The following OLFM1 variants were observed in gnomAD, a reference collection of about 807,000 sequenced individuals.
The protein encoded by OLFM1 is olfactomedin 1.
OLFM1 carries 9 observed loss-of-function variants against 49.7 expected under a neutral mutation model. That is an observed-to-expected ratio of 0.18 (90% CI 0.11 to 0.32). OLFM1 has a LOEUF of 0.32. OLFM1 is among the 10% of genes least tolerant of loss of function. OLFM1 has a pLI of 1.00. For missense variants in OLFM1, 369 were observed against 661.8 expected, an observed-to-expected ratio of 0.56 and a Z score of 4.85; for synonymous variants, 240 against 271.8, an observed-to-expected ratio of 0.88 and a Z score of 1.15.
At chr9:135,111,745 C>T (rs1396342341) in intron 5 of OLFM1, among the ~76,000 whole-genome samples, 1 of 152,158 alleles carries the variant, frequency 6.6e-6, no homozygotes, top group Non-Finnish European at 1.5e-5. Flanking sequence ...GAGTCTTGCT[C>T]TGTCGTCAGA....
intron 4 of OLFM1, among the ~76,000 whole-genome samples, chr9:135,104,479 G>A (rs967550177): frequency 6.6e-6 from 1 of 152,236 alleles, no homozygotes; most frequent in Non-Finnish European, 1.5e-5. Context: ...CAGCGTCACG[G>A]AAGGCCCGGC....
chr9:135,109,842 T>C (rs542515958), intron 5 of OLFM1, among the ~76,000 whole-genome samples: 1 of 152,274 alleles, frequency 6.6e-6, no homozygotes, highest in African/African-American at 2.4e-5. Flanking sequence ...AGAGCCCGGC[T>C]CAGGGGGACC....
At chr9:135,114,942 C>T (rs35659269) in intron 5 of OLFM1, among the ~76,000 whole-genome samples, 36,613 of 151,958 alleles carry the variant, frequency 0.24, 6,796 homozygotes, top group African/African-American at 0.52. Flanking sequence ...GTGTGGACCC[C>T]GGAGCTGATG....
chr9:135,106,048 C>T (rs1299405931), intron 4 of OLFM1: 3 of 152,442 alleles, frequency 2.0e-5, no homozygotes, highest in African/African-American at 7.2e-5. Context: ...TCCTCACCTC[C>T]ATGGTCCTCT....
intron 1 of OLFM1, chr9:135,076,984 G>A (rs549196080): frequency 3.6e-5 from 56 of 1,550,560 alleles, no homozygotes; most frequent in African/African-American, 1.4e-4. Context: ...GGGTTATGTC[G>A]TCCCGCTTAC....
intron 2 of OLFM1, among the ~76,000 whole-genome samples, chr9:135,091,769 T>TCA (rs749011628): frequency 5.7e-4 from 19 of 33,212 alleles, no homozygotes; most frequent in African/African-American, 1.7e-3. Context: ...ACTCACACAG[T>TCA]CACACACACA....
intron 2 of OLFM1, among the ~76,000 whole-genome samples, chr9:135,094,442 C>G (rs1830758848): frequency 4.6e-5 from 7 of 152,104 alleles, no homozygotes; most frequent in Admixed American, 4.6e-4. Context: ...TATAGACAAA[C>G]TTTACATCTT....
intron 5 of OLFM1, among the ~76,000 whole-genome samples, chr9:135,118,559 G>C (rs1167573735): frequency 6.7e-6 from 1 of 150,004 alleles, no homozygotes; most frequent in East Asian, 2.0e-4. Context: ...TGGATCTTTG[G>C]AAGTGCTCAC....
intron 4 of OLFM1, among the ~76,000 whole-genome samples, chr9:135,103,142 GC>G (rs1342507167): frequency 6.6e-6 from 1 of 152,178 alleles, no homozygotes; most frequent in Non-Finnish European, 1.5e-5. Flanking sequence ...GCCCGTTTGG[GC>G]CATTTCCTGA....
chr9:135,115,615 C>T (rs1413284634), intron 5 of OLFM1, among the ~76,000 whole-genome samples: 2 of 152,194 alleles, frequency 1.3e-5, no homozygotes, highest in South Asian at 2.1e-4. Flanking sequence ...CTGGCCTCTG[C>T]CCCTAGATGC....
intron 5 of OLFM1, among the ~76,000 whole-genome samples, chr9:135,110,906 C>T (rs1341358183): frequency 1.3e-5 from 2 of 152,218 alleles, no homozygotes; most frequent in Non-Finnish European, 2.9e-5. Flanking sequence ...GGCCCAAGTC[C>T]CTACGCCAAG....
intron 1 of OLFM1, chr9:135,076,278 C>T (rs1245689317): frequency 3.2e-6 from 5 of 1,550,368 alleles, no homozygotes; most frequent in African/African-American, 2.7e-5. Flanking sequence ...CAGAAACAGG[C>T]GGTGGGGATT....
intron 2 of OLFM1, among the ~76,000 whole-genome samples, chr9:135,091,755 A>ACACAGT (rs1830710040): frequency 4.6e-5 from 7 of 150,628 alleles, no homozygotes; most frequent in Admixed American, 1.3e-4. Context: ...ACATAGTCAC[A>ACACAGT]CACACTCACA....
At chr9:135,089,442 C>T (rs1369290457) in intron 1 of OLFM1, among the ~76,000 whole-genome samples, 1 of 152,142 alleles carries the variant, frequency 6.6e-6, no homozygotes, top group Non-Finnish European at 1.5e-5. Flanking sequence ...CAAGGTTAGA[C>T]CAGACATGGG....
At chr9:135,111,019 C>T (rs915271022) in intron 5 of OLFM1, among the ~76,000 whole-genome samples, 4 of 152,220 alleles carry the variant, frequency 2.6e-5, no homozygotes, top group Non-Finnish European at 4.4e-5. Context: ...TACCCTGAAC[C>T]GAGAGGCCCT....
chr9:135,109,838 C>T (rs1037805817), intron 5 of OLFM1, among the ~76,000 whole-genome samples: 3 of 152,154 alleles, frequency 2.0e-5, no homozygotes, highest in East Asian at 1.9e-4. Flanking sequence ...GTAGAGAGCC[C>T]GGCTCAGGGG....
chr9:135,094,164 A>T (rs1342519421), intron 2 of OLFM1, among the ~76,000 whole-genome samples: 1 of 152,082 alleles, frequency 6.6e-6, no homozygotes, highest in African/African-American at 2.4e-5. Context: ...TCCTCCGGCC[A>T]TGTGGCTGCA....
chr9:135,111,221 T>C (rs1831017749), intron 5 of OLFM1, among the ~76,000 whole-genome samples: 1 of 152,296 alleles, frequency 6.6e-6, no homozygotes, highest in African/African-American at 2.4e-5. Flanking sequence ...CAAATGCATT[T>C]TGTGTTTGCG....
chr9:135,086,960 C>T (rs1293794368), upstream of OLFM1, among the ~76,000 whole-genome samples: 2 of 152,354 alleles, frequency 1.3e-5, no homozygotes, highest in South Asian at 2.1e-4. Context: ...AGCCCCAGAC[C>T]TTATGCAGCT....
Sources: allele counts gnomAD v4.1 joint callset (sites outside exome capture counted in the v4.1 genomes callset), GRCh38; gene constraint gnomAD v4.1.1; transcripts MANE v1.5; gene names NCBI Gene and HGNC (gene_info 2026-07-23, HGNC 2026-07-21).